The following PTPRD variants were observed in gnomAD, a reference collection of about 807,000 sequenced individuals.
PTPRD encodes the protein receptor-type tyrosine-protein phosphatase delta.
A neutral mutation model predicts 214.5 loss-of-function variants in PTPRD; 34 were observed. That is an observed-to-expected ratio of 0.16 (90% CI 0.12 to 0.21). The LOEUF (loss-of-function observed/expected upper bound fraction) is 0.21, where lower values mean the gene tolerates loss of function less well. PTPRD is among the 10% of genes least tolerant of loss of function. PTPRD has a pLI of 1.00. For missense variants in PTPRD, 2,545 were observed against 2,398.7 expected (o/e 1.06, Z -1.27); for synonymous variants, 1,128 against 845.7 (o/e 1.33, Z -5.79).
chr9:10,016,756 T>C (rs1007477259), intron 4 of PTPRD, among the ~76,000 whole-genome samples: 8 of 151,850 alleles, frequency 5.3e-5, no homozygotes, highest in African/African-American at 1.4e-4. Context: ...CCTCGATCTC[T>C]TGGGCTCAAG....
At chr9:10,103,228 T>G (rs1390032801) in intron 3 of PTPRD, among the ~76,000 whole-genome samples, 1 of 151,316 alleles carries the variant, frequency 6.6e-6, no homozygotes, top group Non-Finnish European at 1.5e-5. Flanking sequence ...TTACTTTATA[T>G]AGCTTGTCCT....
chr9:10,071,253 T>C (rs2098007671), intron 3 of PTPRD, among the ~76,000 whole-genome samples: 1 of 152,036 alleles, frequency 6.6e-6, no homozygotes, highest in East Asian at 1.9e-4. Context: ...ATTTTGTATA[T>C]ATGGATAACC....
At chr9:9,180,144 A>G (rs948030894) in intron 10 of PTPRD, among the ~76,000 whole-genome samples, 2 of 151,682 alleles carry the variant, frequency 1.3e-5, no homozygotes, top group African/African-American at 4.8e-5. Context: ...AGACACATGC[A>G]CACGTATGTT....
At chr9:10,235,124 C>T (rs2099624784) in intron 3 of PTPRD, among the ~76,000 whole-genome samples, 1 of 151,464 alleles carries the variant, frequency 6.6e-6, no homozygotes, top group South Asian at 2.1e-4. Flanking sequence ...CTTTCTACAC[C>T]CTCTATTTTG....
intron 11 of PTPRD, among the ~76,000 whole-genome samples, chr9:8,810,815 C>T (rs1043207558): frequency 2.0e-5 from 3 of 152,090 alleles, no homozygotes; most frequent in Non-Finnish European, 4.4e-5. Context: ...TAAAAATCAA[C>T]CATGGGGTCT....
intron 3 of PTPRD, among the ~76,000 whole-genome samples, chr9:10,172,793 T>G (rs1380107800): frequency 6.6e-6 from 1 of 152,184 alleles, no homozygotes; most frequent in Non-Finnish European, 1.5e-5. Context: ...CCACTTAGCA[T>G]TCAGTGTTGG....
chr9:10,070,009 G>A (rs1196979438), intron 3 of PTPRD, among the ~76,000 whole-genome samples: 1 of 151,960 alleles, frequency 6.6e-6, no homozygotes, highest in Non-Finnish European at 1.5e-5. Flanking sequence ...TATTCTTGGG[G>A]TGAAACCAAG....
chr9:9,599,572 T>C (rs1592646817), intron 7 of PTPRD, among the ~76,000 whole-genome samples: 1 of 152,134 alleles, frequency 6.6e-6, no homozygotes, highest in East Asian at 1.9e-4. Flanking sequence ...CTTAATTTCT[T>C]TGTTTTCATA....
intron 11 of PTPRD, among the ~76,000 whole-genome samples, chr9:8,740,786 T>C (rs977775561): frequency 6.6e-6 from 1 of 152,184 alleles, no homozygotes; most frequent in Non-Finnish European, 1.5e-5. Flanking sequence ...CTATTACATA[T>C]AAACACAAAG....
chr9:9,815,318 CA>C (rs1304591346), intron 5 of PTPRD, among the ~76,000 whole-genome samples: 2 of 151,816 alleles, frequency 1.3e-5, no homozygotes, highest in African/African-American at 4.8e-5. Context: ...TATTCACAGA[CA>C]AAGGAATGAA....
intron 2 of PTPRD, among the ~76,000 whole-genome samples, chr9:10,465,066 A>G (rs1338169864): frequency 6.6e-6 from 1 of 152,196 alleles, no homozygotes; most frequent in East Asian, 1.9e-4. Flanking sequence ...TGTGTTATAA[A>G]GGTGAATAGT....
intron 3 of PTPRD, among the ~76,000 whole-genome samples, chr9:10,277,447 C>A (rs1486720848): frequency 6.6e-6 from 1 of 152,170 alleles, no homozygotes; most frequent in Non-Finnish European, 1.5e-5. Flanking sequence ...AGTTGTGTAA[C>A]TTAAATAAAT....
intron 14 of PTPRD, among the ~76,000 whole-genome samples, chr9:8,596,542 G>A (rs577538658): frequency 2.6e-5 from 4 of 152,018 alleles, no homozygotes; most frequent in South Asian, 2.1e-4. Flanking sequence ...GAAACAATGC[G>A]GAAAGTGAGA....
intron 39 of PTPRD, among the ~76,000 whole-genome samples, chr9:8,352,718 T>C (rs1207640551): frequency 6.6e-6 from 1 of 152,190 alleles, no homozygotes; most frequent in African/African-American, 2.4e-5. Flanking sequence ...ATTTGAACTT[T>C]AGCAACTTTG....
chr9:10,384,556 G>A (rs181248991), intron 2 of PTPRD, among the ~76,000 whole-genome samples: 2 of 151,596 alleles, frequency 1.3e-5, no homozygotes, highest in African/African-American at 4.8e-5. Flanking sequence ...AATTAAAAAG[G>A]TAGGAATGAT....
intron 11 of PTPRD, among the ~76,000 whole-genome samples, chr9:8,879,776 T>C (rs2098426261): frequency 6.6e-6 from 1 of 152,186 alleles, no homozygotes; most frequent in African/African-American, 2.4e-5. Flanking sequence ...ACTTTACTCA[T>C]AGAAACACAA....
intron 7 of PTPRD, among the ~76,000 whole-genome samples, chr9:9,723,665 T>G (rs1470862587): frequency 6.6e-6 from 1 of 152,072 alleles, no homozygotes. Context: ...GAATATATTT[T>G]TTCCATTCAT....
At chr9:10,476,431 G>A (rs898779418) in intron 2 of PTPRD, among the ~76,000 whole-genome samples, 1 of 151,938 alleles carries the variant, frequency 6.6e-6, no homozygotes, top group Non-Finnish European at 1.5e-5. Context: ...AACTTACAAG[G>A]GACATGAAGG....
intron 14 of PTPRD, among the ~76,000 whole-genome samples, chr9:8,602,098 G>C (rs1276239266): frequency 6.6e-6 from 1 of 152,102 alleles, no homozygotes; most frequent in Non-Finnish European, 1.5e-5. Context: ...GGGAAAAATG[G>C]AACATGACAG....
Sources: allele counts gnomAD v4.1 joint callset (sites outside exome capture counted in the v4.1 genomes callset), GRCh38; gene constraint gnomAD v4.1.1; transcripts MANE v1.5; gene names NCBI Gene and HGNC (gene_info 2026-07-23, HGNC 2026-07-21).